The following CCDC178 variants were observed in gnomAD, a reference collection of about 807,000 sequenced individuals.
CCDC178 encodes the protein coiled-coil domain containing 178.
CCDC178 carries 126 observed loss-of-function variants against 117.4 expected under a neutral mutation model. That is an observed-to-expected ratio of 1.07 (90% CI 0.93 to 1.24). CCDC178 has a LOEUF of 1.24. CCDC178 is among the 50% of genes most tolerant of loss of function. The pLI, the probability that CCDC178 is intolerant of heterozygous loss-of-function variation, is 0.00. For synonymous variants in CCDC178, 283 were observed against 313.4 expected (o/e 0.90, Z 1.02); for missense variants, 1,030 against 986.9 (o/e 1.04, Z -0.59).
At chr18:33,375,350 G>C (rs757749803) in intron 5 of CCDC178, among the ~76,000 whole-genome samples, 89 of 151,740 alleles carry the variant, frequency 5.9e-4, no homozygotes, top group Non-Finnish European at 1.1e-3. Context: ...TTTCTCCTTT[G>C]ATCATCTCCT....
intron 20 of CCDC178, among the ~76,000 whole-genome samples, chr18:33,115,751 C>G (rs942013596): frequency 3.3e-5 from 5 of 151,956 alleles, no homozygotes; most frequent in Admixed American, 6.6e-5. Flanking sequence ...CTATAGACCC[C>G]AGATGTGCTC....
chr18:33,428,319 T>C (rs1055720915), intron 2 of CCDC178, among the ~76,000 whole-genome samples: 2 of 152,074 alleles, frequency 1.3e-5, no homozygotes, highest in Non-Finnish European at 2.9e-5. Context: ...AAATGATAGC[T>C]TACACTTAAA....
intron 18 of CCDC178, 54 bp from the exon 19 acceptor site, chr18:33,215,749 C>A: frequency 7.7e-7 from 1 of 1,303,454 alleles, no homozygotes; most frequent in South Asian, 1.4e-5. Context: ...TTTCAAATCC[C>A]TGCTATTTAG....
chr18:33,381,823 A>AT lies in CCDC178; in HGVS notation c.208+7716dup, dbSNP rs145890990. Among the ~76,000 whole-genome samples the AT allele has an allele frequency of 6.2e-3, 949 of 152,120 alleles. 34 individuals carry two copies. The East Asian group carries it at 0.099, about 16-fold the overall frequency. The stretch of plus-strand genomic sequence containing the variant: ...TATTATTTTATGTTGTATTGTAAAA[A>AT]TTGTTGTATACATTTATATTCTATT... On this transcript the variant is annotated intron_variant, in intron 5 of 22. Coordinates refer to ENST00000383096, the MANE Select transcript of CCDC178 (RefSeq NM_001105528.4).
At chr18:33,242,689 A>G (rs1409521463) in intron 15 of CCDC178, among the ~76,000 whole-genome samples, 1 of 152,062 alleles carries the variant, frequency 6.6e-6, no homozygotes, top group East Asian at 1.9e-4. Context: ...AGATAAATGC[A>G]AATCAAAACC....
chr18:32,977,823 C>T (rs1462775758), intron 21 of CCDC178, among the ~76,000 whole-genome samples: 3 of 151,182 alleles, frequency 2.0e-5, no homozygotes, highest in East Asian at 1.9e-4. Context: ...CTAGGATACT[C>T]GGAACTACAC....
intron 22 of CCDC178, among the ~76,000 whole-genome samples, chr18:32,971,073 G>C (rs1344656167): frequency 6.6e-6 from 1 of 151,914 alleles, no homozygotes; most frequent in East Asian, 1.9e-4. Flanking sequence ...TGTTACATAG[G>C]TATATATGTG....
chr18:33,208,878 A>G (rs2059076265), intron 20 of CCDC178, among the ~76,000 whole-genome samples: 1 of 152,106 alleles, frequency 6.6e-6, no homozygotes, highest in South Asian at 2.1e-4. Flanking sequence ...GGAATGGGAG[A>G]TTGTCTCTAC....
At chr18:33,204,597 T>C (rs1474762619) in intron 20 of CCDC178, among the ~76,000 whole-genome samples, 2 of 152,138 alleles carry the variant, frequency 1.3e-5, no homozygotes, top group Non-Finnish European at 2.9e-5. Context: ...TTAAAAAATT[T>C]ATATACCACC....
At chr18:33,378,304 A>G (rs979742591) in intron 5 of CCDC178, among the ~76,000 whole-genome samples, 5 of 152,078 alleles carry the variant, frequency 3.3e-5, no homozygotes, top group Non-Finnish European at 7.4e-5. Context: ...GTACTGTGAA[A>G]TTTTACTGCT....
intron 14 of CCDC178, among the ~76,000 whole-genome samples, chr18:33,256,437 A>G (rs1166622147): frequency 6.6e-6 from 1 of 152,068 alleles, no homozygotes; most frequent in East Asian, 1.9e-4. Context: ...CTTGGTATCT[A>G]AAGAGGAAGG....
intron 21 of CCDC178, among the ~76,000 whole-genome samples, chr18:33,038,371 A>T (rs538382118): frequency 3.0e-4 from 46 of 152,110 alleles, no homozygotes; most frequent in African/African-American, 9.9e-4. Context: ...ATTATTATAT[A>T]TTGAATTTTC....
chr18:33,345,304 G>A (rs911623261), intron 9 of CCDC178, among the ~76,000 whole-genome samples: 1 of 151,844 alleles, frequency 6.6e-6, no homozygotes, highest in African/African-American at 2.4e-5. Context: ...ATAGGTACAG[G>A]GTTTGTAGAA....
chr18:33,245,321 C>T lies in CCDC178; in HGVS notation c.1517G>A (p.Gly506Asp). 1 of 1,609,104 alleles carries T rather than the reference C, an allele frequency of 6.2e-7. No individual in the cohort carries two copies. The highest frequency in any genetic ancestry group is 1.7e-5 in the Admixed American group (1 of 59,372). ...GTGTTTGGTTAGGTGGAAAAGAGTACCAATGCGATAAGCCTCCTTATAGAT... is the reference window on the plus strand; with the variant it reads ...GTGTTTGGTTAGGTGGAAAAGAGTATCAATGCGATAAGCCTCCTTATAGAT... The part of the protein sequence containing the change: ...KNIYKEAYRI[G>D]TLFHLTKHKT... Residue 506 changes from glycine (G) to aspartate (D), a missense_variant, in exon 15 of 23, where the codon GGT becomes GAT. Transcript: ENST00000383096.
chr18:33,174,337 G>A (rs2058638687), intron 20 of CCDC178, among the ~76,000 whole-genome samples: 1 of 152,144 alleles, frequency 6.6e-6, no homozygotes. Context: ...AGATTTGGGT[G>A]GGGACAAATA....
chr18:33,271,028 T>G (rs1051929019), intron 12 of CCDC178, among the ~76,000 whole-genome samples: 27 of 151,488 alleles, frequency 1.8e-4, no homozygotes, highest in African/African-American at 6.5e-4. Context: ...AAATTGTTAG[T>G]ATTAATCCAA....
rs529850310 is a variant in CCDC178, at chr18:33,130,431, C to T, written c.2239-37521G>A. 5.3e-5 allele frequency among the ~76,000 whole-genome samples: 8 copies of T among 152,078 alleles called. No homozygotes were observed. The South Asian group carries it at 1.7e-3, about 32-fold the overall frequency. ...TTATTATGTAGTTTGACTTAACATT[C>T]ACAAAAAATCCATGAGTATGTAGTA... On this transcript the variant is annotated intron_variant, in intron 20 of 22. Coordinates refer to ENST00000383096, the MANE Select transcript of CCDC178 (RefSeq NM_001105528.4).
chr18:32,996,685 T>A (rs930493509), intron 21 of CCDC178, among the ~76,000 whole-genome samples: 1 of 152,018 alleles, frequency 6.6e-6, no homozygotes, highest in Non-Finnish European at 1.5e-5. Flanking sequence ...CCAGATGGAT[T>A]TTTAATTGAT....
rs963111864 is a variant in CCDC178 at position 33,018,844 on chromosome 18, AT to A, written c.2389-44164del. ...GTACAAATCTGTGAATATAAAAAAA[AT>A]CATGGAAATGTATACTTTAAGTGGG... On this transcript the variant is annotated intron_variant, in intron 21 of 22. Coordinates refer to ENST00000383096, the MANE Select transcript of CCDC178 (RefSeq NM_001105528.4). Among the ~76,000 whole-genome samples the A allele has an allele frequency of 3.3e-5, 5 of 152,230 alleles. No homozygotes were observed. The East Asian group carries it at 9.7e-4, about 29-fold the overall frequency.
Sources: allele counts gnomAD v4.1 joint callset (sites outside exome capture counted in the v4.1 genomes callset), GRCh38; gene constraint gnomAD v4.1.1; transcripts MANE v1.5; gene names NCBI Gene and HGNC (gene_info 2026-07-23, HGNC 2026-07-21).